CAMK2B: variants seen among roughly 807,000 people sequenced by gnomAD.
CAMK2B encodes calcium/calmodulin dependent protein kinase II beta, also known as calcium/calmodulin-dependent protein kinase type II subunit beta.
CAMK2B carries 27 observed loss-of-function variants against 93.7 expected under a neutral mutation model. The ratio of observed to expected loss-of-function variants is 0.29; its 90% CI spans 0.21 to 0.40. The LOEUF (loss-of-function observed/expected upper bound fraction) is 0.40, where lower values mean the gene tolerates loss of function less well. Among genes scored for constraint, CAMK2B ranks in the 10% least tolerant of loss-of-function variants. CAMK2B has a pLI of 1.00. For synonymous variants in CAMK2B, 374 were observed against 358.8 expected (o/e 1.04, Z -0.48); for missense variants, 568 against 895.8 (o/e 0.63, Z 4.67).
At chr7:44,223,320 A>G (rs1186980684) in intron 20 of CAMK2B, among the ~76,000 whole-genome samples, 1 of 152,044 alleles carries the variant, frequency 6.6e-6, no homozygotes, top group Non-Finnish European at 1.5e-5. Context: ...CATCTAGACC[A>G]TGTCATGGAT....
chr7:44,239,497 G>A, intron 13 of CAMK2B, 92 bp downstream of exon 13: 1 of 1,251,402 alleles, frequency 8.0e-7, no homozygotes, highest in Non-Finnish European at 1.1e-6. Context: ...GGCGGCTCTG[G>A]AGCCCGGCCA....
chr7:44,316,233 TG>T, intron 1 of CAMK2B, among the ~76,000 whole-genome samples: 1 of 152,256 alleles, frequency 6.6e-6, no homozygotes, highest in South Asian at 2.1e-4. Flanking sequence ...TATCATGAAA[TG>T]GTATTGGTTT....
In CAMK2B at chr7:44,261,642, A is replaced by G. The variant is rs1285340117; in HGVS notation, c.220+1363T>C. On this transcript the variant is annotated intron_variant, in intron 3 of 23. Coordinates refer to ENST00000395749, the MANE Select transcript of CAMK2B (RefSeq NM_001220.5). ...GAGTCTGGGCCGTATGCATGTGGACACTTTAAAAAAAAACATTTTTAACTT... is the reference window on the plus strand; with the variant it reads ...GAGTCTGGGCCGTATGCATGTGGACGCTTTAAAAAAAAACATTTTTAACTT... Among the ~76,000 whole-genome samples, 4 of 152,078 alleles carry G rather than the reference A, an allele frequency of 2.6e-5. 1 individual carries two copies. The highest frequency in any genetic ancestry group is 4.1e-4 in the South Asian group (2 of 4,828).
chr7:44,232,719 G>A, intron 16 of CAMK2B, 103 bp downstream of exon 16: 1 of 1,128,206 alleles, frequency 8.9e-7, no homozygotes, highest in Non-Finnish European at 1.3e-6. Flanking sequence ...GCCAGGGCAT[G>A]GGACATCTGC....
At chr7:44,277,638 A>T (rs1167707393) in intron 2 of CAMK2B, among the ~76,000 whole-genome samples, 2 of 152,204 alleles carry the variant, frequency 1.3e-5, no homozygotes, top group African/African-American at 4.8e-5. Context: ...GACCCAAATC[A>T]GGGGTGAAAT....
intron 20 of CAMK2B, among the ~76,000 whole-genome samples, chr7:44,221,844 T>A (rs1185862376): frequency 6.6e-6 from 1 of 152,238 alleles, no homozygotes; most frequent in Non-Finnish European, 1.5e-5. Context: ...ATTTTAAACG[T>A]ATGGAAGATG....
chr7:44,262,685 A>G (rs1435083342), intron 3 of CAMK2B, among the ~76,000 whole-genome samples: 2 of 152,082 alleles, frequency 1.3e-5, no homozygotes. Flanking sequence ...CTTCCTCTGC[A>G]CCAATGCCAC....
intron 1 of CAMK2B, among the ~76,000 whole-genome samples, chr7:44,324,325 G>A (rs1274550179): frequency 2.0e-5 from 3 of 152,234 alleles, no homozygotes; most frequent in African/African-American, 7.2e-5. Context: ...GGACGCAGGA[G>A]GATGGGGCTC....
chr7:44,282,924 C>A (rs2097113635), intron 2 of CAMK2B, among the ~76,000 whole-genome samples: 1 of 152,228 alleles, frequency 6.6e-6, no homozygotes, highest in Non-Finnish European at 1.5e-5. Flanking sequence ...CTAATCAAGG[C>A]TGCTGGTGGT....
At chr7:44,269,566 G>A (rs556507671) in intron 2 of CAMK2B, among the ~76,000 whole-genome samples, 6 of 152,256 alleles carry the variant, frequency 3.9e-5, no homozygotes, top group African/African-American at 1.2e-4. Flanking sequence ...GGGGGGTGGT[G>A]AGTGAGAGGA....
At chr7:44,279,097 A>C (rs2097079746) in intron 2 of CAMK2B, among the ~76,000 whole-genome samples, 1 of 151,846 alleles carries the variant, frequency 6.6e-6, no homozygotes, top group South Asian at 2.1e-4. Context: ...ATGAGATGGT[A>C]TCAAGGAATT....
rs1356964861 is a variant in CAMK2B, at chr7:44,220,206, G to A, written c.1857C>T (p.Tyr619=). ...VIGEDAACIA[Y]IRLTQYIDGQ... is the part of the protein sequence containing the mutation. ...CGTCAATGTACTGCGTGAGCCGGAT[G>A]TAAGCGATGCAGGCGGCATCCTCTC... Residue 619 remains tyrosine, a synonymous_variant, in exon 23 of 24, where the codon TAC becomes TAT. Transcript: ENST00000395749. 3 of 1,613,296 alleles carry A rather than the reference G, an allele frequency of 1.9e-6. No individual in the cohort carries two copies. Among genetic ancestry groups the A allele is most frequent in the East Asian group, 2.2e-5 (1 of 44,886 alleles).
At chr7:44,253,433 G>A (rs1281548883) in intron 5 of CAMK2B, among the ~76,000 whole-genome samples, 1 of 152,122 alleles carries the variant, frequency 6.6e-6, no homozygotes, top group African/African-American at 2.4e-5. Context: ...GGTTGGCCTG[G>A]AACTCCCGAC....
At position 44,271,131 on chromosome 7, in the gene CAMK2B, C is replaced by T. The variant is rs1034217387; in HGVS notation, c.161-8067G>A. Among the ~76,000 whole-genome samples, 2 of 152,116 alleles carry T rather than the reference C, an allele frequency of 1.3e-5. No individual in the cohort carries two copies. The highest frequency in any genetic ancestry group is 4.8e-5 in the African/African-American group (2 of 41,400). ...ACAGGGTTTCACCATGTCGGCCAGG[C>T]TGGTCTTGAACTCCTGACCTCAGTT... On this transcript the variant is annotated intron_variant, in intron 2 of 23. Coordinates refer to ENST00000395749, the MANE Select transcript of CAMK2B (RefSeq NM_001220.5). This position sits in a 1 kb window ranked among gnomAD's most constrained non-coding sequence, Gnocchi z 4.2.
intron 1 of CAMK2B, among the ~76,000 whole-genome samples, chr7:44,309,428 C>T (rs922780408): frequency 6.6e-6 from 1 of 152,202 alleles, no homozygotes; most frequent in Non-Finnish European, 1.5e-5. Context: ...GCTGCGCCTC[C>T]AGCCCCGGGG....
chr7:44,313,426 CT>C (rs923299874), intron 1 of CAMK2B, among the ~76,000 whole-genome samples: 24 of 151,824 alleles, frequency 1.6e-4, no homozygotes, highest in African/African-American at 5.8e-4. Context: ...CCCAGCCTTG[CT>C]ACAAAGGCCT....
rs1009931805 is a variant in CAMK2B, at chr7:44,286,884, C to T, written c.66-2659G>A. 1.3e-5 allele frequency among the ~76,000 whole-genome samples: 2 copies of T among 152,010 alleles called. No individual in the cohort carries two copies. The highest frequency in any genetic ancestry group is 6.5e-5 in the Admixed American group (1 of 15,270). ...TGAGTGTGGAGTGGGAGCACCAGGCCGCACAGCTGTAGTGACATAGGATGT... is the reference window on the plus strand; with the variant it reads ...TGAGTGTGGAGTGGGAGCACCAGGCTGCACAGCTGTAGTGACATAGGATGT... On this transcript the variant is annotated intron_variant, in intron 1 of 23. Transcript: ENST00000395749. This position sits in a 1 kb window ranked among gnomAD's most constrained non-coding sequence, Gnocchi z 4.0.
intron 15 of CAMK2B, 106 bp from the exon 16 acceptor site, chr7:44,232,972 G>T: frequency 1.0e-6 from 1 of 983,192 alleles, no homozygotes; most frequent in South Asian, 1.4e-5. Context: ...GGTGTGGGTG[G>T]CCAGAGCCTG....
chr7:44,314,545 C>T (rs1329527679), intron 1 of CAMK2B, among the ~76,000 whole-genome samples: 1 of 152,214 alleles, frequency 6.6e-6, no homozygotes, highest in Non-Finnish European at 1.5e-5. Context: ...TGGTGGACAT[C>T]TGGGCTGTTT....
Sources: allele counts gnomAD v4.1 joint callset (sites outside exome capture counted in the v4.1 genomes callset), GRCh38; gene constraint gnomAD v4.1.1; non-coding constraint Gnocchi (gnomAD v3.1); transcripts MANE v1.5; gene names NCBI Gene and HGNC (gene_info 2026-07-23, HGNC 2026-07-21).